RMDN1: variants seen among roughly 807,000 people sequenced by gnomAD.
RMDN1 encodes the protein regulator of microtubule dynamics protein 1.
A neutral mutation model predicts 48.9 loss-of-function variants in RMDN1; 48 were observed. That is an observed-to-expected ratio of 0.98 (90% confidence interval 0.78 to 1.25). RMDN1 has a LOEUF of 1.25. Among genes scored for constraint, RMDN1 ranks in the 50% most tolerant of loss-of-function variants. The pLI is 0.00. For synonymous variants in RMDN1, 148 were observed against 132.6 expected, an observed-to-expected ratio of 1.12 and a Z score of -0.80; for missense variants, 418 against 373.4, an observed-to-expected ratio of 1.12 and a Z score of -0.98.
intron 2 of RMDN1, among the ~76,000 whole-genome samples, chr8:86,490,881 G>C (rs1398079243): frequency 2.6e-5 from 4 of 151,940 alleles, no homozygotes; most frequent in Non-Finnish European, 4.4e-5. Context: ...TTGTCAGCCA[G>C]GCATGGCAGC....
At chr8:86,502,710 A>G (rs1424302655) in intron 2 of RMDN1, among the ~76,000 whole-genome samples, 1 of 152,204 alleles carries the variant, frequency 6.6e-6, no homozygotes, top group Non-Finnish European at 1.5e-5. Context: ...ATCAAGAAGA[A>G]TATAACACCC....
intron 2 of RMDN1, among the ~76,000 whole-genome samples, chr8:86,489,916 G>A (rs1816211528): frequency 6.7e-6 from 1 of 149,122 alleles, no homozygotes; most frequent in African/African-American, 2.4e-5. Context: ...TGATGCAATC[G>A]TGTTTTTAAG....
chr8:86,474,849 AGT>A lies in RMDN1; in HGVS notation c.863_864del (p.Asp288ValfsTer9), dbSNP rs1334188068. The A allele has an allele frequency of 6.2e-7, 1 of 1,612,700 alleles. No homozygotes were observed. The highest frequency in any genetic ancestry group is 2.2e-5 in the East Asian group (1 of 44,836). On this transcript the variant is annotated frameshift_variant, in exon 9 of 10. Transcript: ENST00000406452. LOFTEE classifies it high-confidence loss of function. ...TTATCCTCCTCTGTGTGTGCTGGAT[AGT>A]CCTTGGCTTTCATTAGCCAGAAAGC... ...LAAFWLMKAK[D>X]YPAHTEEDKQ...
At chr8:86,505,031 CATCCAGGCTGCTAAGGAGACCACCACCA>C in intron 2 of RMDN1, 1 of 1,479,190 alleles carries the variant, frequency 6.8e-7, no homozygotes, top group Non-Finnish European at 9.2e-7. Flanking sequence ...AGATGAACAG[CATCCAGGCTGCTAAGGAGACCACCACCA>C]ATGTCTAAGT....
intron 2 of RMDN1, among the ~76,000 whole-genome samples, chr8:86,494,542 C>T (rs902556590): frequency 6.6e-6 from 1 of 152,218 alleles, no homozygotes; most frequent in East Asian, 1.9e-4. Flanking sequence ...GGTGACAGAG[C>T]GAGACTCTGT....
At chr8:86,482,578 ATGAG>A (rs1814707042) in intron 5 of RMDN1, 8 of 747,996 alleles carry the variant, frequency 1.1e-5, no homozygotes, top group Admixed American at 5.2e-5. Flanking sequence ...TAAGAAGTTA[ATGAG>A]TGAGTTTTTG....
chr8:86,468,370 TG>T, downstream of RMDN1: 1 of 453,890 alleles, frequency 2.2e-6, no homozygotes, highest in Non-Finnish European at 4.4e-6. Context: ...TCTGCTTGGT[TG>T]AATAGACTCC....
chr8:86,513,898 T>C (rs1820175321), intron 1 of RMDN1, among the ~76,000 whole-genome samples: 1 of 152,062 alleles, frequency 6.6e-6, no homozygotes, highest in Non-Finnish European at 1.5e-5. Context: ...TCACCCAGGC[T>C]GGAGTGCAGA....
downstream of RMDN1, chr8:86,468,423 C>A (rs1812285053): frequency 6.8e-6 from 3 of 440,938 alleles, no homozygotes; most frequent in South Asian, 1.7e-5. Flanking sequence ...AATTTTCAAG[C>A]CTAAAGAATT....
chr8:86,494,705 A>G (rs1164075654), intron 2 of RMDN1: 1 of 217,954 alleles, frequency 4.6e-6, no homozygotes, highest in Non-Finnish European at 9.4e-6. Context: ...CTTAACAAAT[A>G]TCAGCTGGCT....
At chr8:86,507,945 G>A (rs530995228) in intron 1 of RMDN1, among the ~76,000 whole-genome samples, 7 of 152,212 alleles carry the variant, frequency 4.6e-5, no homozygotes, top group Admixed American at 1.3e-4. Context: ...AATAAACAGA[G>A]GCCCACGAGC....
chr8:86,470,160 G>T, downstream of RMDN1: 1 of 1,287,256 alleles, frequency 7.8e-7, no homozygotes, highest in Non-Finnish European at 1.0e-6. Context: ...CATCTATAAT[G>T]GAGAGATATA....
rs1438020780 is a variant in RMDN1, at chr8:86,508,574, C to G, written c.47G>C (p.Gly16Ala). The change falls in exon 1 of 10, where the codon GGA becomes GCA. Residue 16 changes from glycine to alanine, a missense_variant. Transcript: ENST00000406452. ...AGGGAGACGAGACCCCGGGGCGGCTCCACGTCGGAAAGGCAGAAGGCGCCA... is the reference window on the plus strand; with the variant it reads ...AGGGAGACGAGACCCCGGGGCGGCTGCACGTCGGAAAGGCAGAAGGCGCCA... ...RLWRLLPFRR[G>A]AAPGSRLPAG... is the part of the protein sequence containing the mutation. 6 of 1,603,224 alleles carry G rather than the reference C, an allele frequency of 3.7e-6. No homozygotes were observed. The Admixed American group carries it at 5.1e-5, about 14-fold the overall frequency.
At chr8:86,490,502 T>C (rs1176377734) in intron 2 of RMDN1, among the ~76,000 whole-genome samples, 1 of 152,078 alleles carries the variant, frequency 6.6e-6, no homozygotes, top group African/African-American at 2.4e-5. Flanking sequence ...GCAGAAAGCC[T>C]ACAGACACTG....
At position 86,474,795 on chromosome 8, in the gene RMDN1, CCTTA is replaced by C. The variant is rs751263673; in HGVS notation, c.894+21_894+24del. The C allele has an allele frequency of 3.1e-6, 5 of 1,595,002 alleles. No individual in the cohort carries two copies. The South Asian group carries it at 5.7e-5, about 18-fold the overall frequency. ...TTAATAGTGCCTCAAAACCTTTCTGCCTTACTTTATGGGAGATGTTTTACCTGTT... is the reference window on the plus strand; with the variant it reads ...TTAATAGTGCCTCAAAACCTTTCTGCCTTTATGGGAGATGTTTTACCTGTT... On this transcript the variant is annotated intron_variant, in intron 9 of 9. Coordinates refer to ENST00000406452, the MANE Select transcript of RMDN1 (RefSeq NM_016033.3).
chr8:86,507,046 C>T lies in RMDN1; in HGVS notation c.196G>A (p.Glu66Lys). The T allele has an allele frequency of 6.2e-7, 1 of 1,613,622 alleles. No individual in the cohort carries two copies. The highest frequency in any genetic ancestry group is 8.5e-7 in the Non-Finnish European group (1 of 1,179,562). ...GCCTGAGAGATAACCTGGTAAGTTT[C>T]AAAACCCAAATACGACAAAGCTGAG... ...LLSALSYLGF[E>K]TYQVISQAAV... The change falls in exon 2 of 10, where the codon GAA (glutamate) becomes AAA (lysine). Residue 66 changes from glutamate to lysine, a missense_variant. Coordinates refer to ENST00000406452, the MANE Select transcript of RMDN1 (RefSeq NM_016033.3).
upstream of RMDN1, among the ~76,000 whole-genome samples, chr8:86,510,759 A>G (rs1225854095): frequency 6.6e-6 from 1 of 152,270 alleles, no homozygotes; most frequent in Non-Finnish European, 1.5e-5. Context: ...GATAACTAAT[A>G]TAACAGCCAA....
At chr8:86,497,536 A>C (rs1174943857) in intron 2 of RMDN1, among the ~76,000 whole-genome samples, 2 of 151,840 alleles carry the variant, frequency 1.3e-5, no homozygotes, top group African/African-American at 2.4e-5. Context: ...CCCTGTCTCC[A>C]CTAAAAATAC....
At chr8:86,505,047 G>A (rs116726003) in intron 2 of RMDN1, 34,699 of 1,438,392 alleles carry the variant, frequency 0.024, 816 homozygotes, top group African/African-American at 0.065. Flanking sequence ...GGCTGCTAAG[G>A]AGACCACCAC....
Sources: gnomAD v4.1 joint callset for allele counts (sites outside exome capture counted in the v4.1 genomes callset) on GRCh38, gnomAD v4.1.1 for gene constraint, MANE v1.5 for transcripts, NCBI Gene and HGNC (gene_info 2026-07-23, HGNC 2026-07-21) for gene names.